Variants in KIF6 observed in about 807,000 individuals in gnomAD.
KIF6 encodes the protein kinesin-like protein KIF6.
Under a neutral mutation model 112.7 loss-of-function variants are expected in KIF6, and 106 were observed. The ratio of observed to expected loss-of-function variants is 0.94; its 90% confidence interval spans 0.80 to 1.11. The LOEUF is 1.11. Ranked by LOEUF, KIF6 falls within the 50% of genes least tolerant of loss-of-function variation. The pLI is 0.00. For synonymous variants in KIF6, 339 were observed against 339.9 expected, an observed-to-expected ratio of 1.00 and a Z score of 0.03; for missense variants, 929 against 964.0, an observed-to-expected ratio of 0.96 and a Z score of 0.48.
At chr6:39,718,161 C>T (rs530678346) in intron 2 of KIF6, among the ~76,000 whole-genome samples, 19 of 134,026 alleles carry the variant, frequency 1.4e-4, no homozygotes, top group African/African-American at 4.8e-4. Flanking sequence ...ACCCAGGAAG[C>T]GGAGGTTGCA....
chr6:39,553,408 T>C (rs1298682858), intron 10 of KIF6, among the ~76,000 whole-genome samples: 1 of 152,236 alleles, frequency 6.6e-6, no homozygotes, highest in African/African-American at 2.4e-5. Flanking sequence ...TTGATACTTT[T>C]AGTGATTTGA....
intron 5 of KIF6, among the ~76,000 whole-genome samples, chr6:39,618,817 C>A (rs1783663807): frequency 3.3e-5 from 5 of 152,196 alleles, no homozygotes; most frequent in Admixed American, 3.3e-4. Context: ...CAATTGCCAA[C>A]CAAAGAATCC....
intron 3 of KIF6, among the ~76,000 whole-genome samples, chr6:39,654,809 C>A (rs1301331326): frequency 6.6e-6 from 1 of 152,158 alleles, no homozygotes; most frequent in East Asian, 1.9e-4. Context: ...TTTGTTCACT[C>A]AACAATGTCT....
chr6:39,404,276 T>C (rs574726924), intron 15 of KIF6, among the ~76,000 whole-genome samples: 19 of 152,322 alleles, frequency 1.2e-4, no homozygotes, highest in African/African-American at 4.3e-4. Context: ...CTCATACTCA[T>C]TCTTCTAAAA....
intron 13 of KIF6, among the ~76,000 whole-genome samples, chr6:39,461,989 A>G (rs1374654199): frequency 6.6e-6 from 1 of 152,244 alleles, no homozygotes; most frequent in Non-Finnish European, 1.5e-5. Context: ...TTAAAATGAA[A>G]TAAAATTAGA....
At chr6:39,561,881 A>T (rs929034698) in intron 10 of KIF6, among the ~76,000 whole-genome samples, 1 of 152,162 alleles carries the variant, frequency 6.6e-6, no homozygotes, top group Non-Finnish European at 1.5e-5. Flanking sequence ...CAGCCATCTG[A>T]GCTTCTAGTT....
chr6:39,699,363 G>A (rs1788738337), intron 3 of KIF6, among the ~76,000 whole-genome samples: 1 of 152,164 alleles, frequency 6.6e-6, no homozygotes, highest in Admixed American at 6.5e-5. Context: ...GTGACAGTGT[G>A]AGCTATCTGG....
intron 13 of KIF6, among the ~76,000 whole-genome samples, chr6:39,437,174 C>T (rs4464790): frequency 0.056 from 8,550 of 151,926 alleles, 442 homozygotes; most frequent in East Asian, 0.24. Context: ...CAGCTTGGTC[C>T]TTGTTGATGT....
intron 6 of KIF6, among the ~76,000 whole-genome samples, chr6:39,598,605 GTA>G (rs1782415525): frequency 6.6e-6 from 1 of 151,390 alleles, no homozygotes; most frequent in South Asian, 2.1e-4. Flanking sequence ...GTGTGTGTGT[GTA>G]TCTATATATC....
chr6:39,499,208 G>A (rs892487902), intron 13 of KIF6, among the ~76,000 whole-genome samples: 2 of 152,186 alleles, frequency 1.3e-5, no homozygotes, highest in Admixed American at 1.3e-4. Context: ...GGTTAAAACT[G>A]CATGTATAAG....
chr6:39,357,446 T>TTA, intron 18 of KIF6, 72 bp from the exon 19 acceptor site: 7 of 868,652 alleles, frequency 8.1e-6, no homozygotes, highest in Non-Finnish European at 8.9e-6. Context: ...TTTGATGTAA[T>TTA]TCTTTTTTTT....
At chr6:39,691,160 T>A (rs2113803050) in intron 3 of KIF6, 1 of 152,262 alleles carries the variant, frequency 6.6e-6, no homozygotes, top group African/African-American at 2.4e-5. Flanking sequence ...GGAGATAAAC[T>A]TCTGAAAAAA....
chr6:39,371,732 T>C (rs1404405085), intron 16 of KIF6, among the ~76,000 whole-genome samples: 1 of 152,162 alleles, frequency 6.6e-6, no homozygotes, highest in Non-Finnish European at 1.5e-5. Context: ...AGTGCTGACA[T>C]CTGCTTCTTG....
At chr6:39,422,927 A>G (rs1770478582) in intron 14 of KIF6, among the ~76,000 whole-genome samples, 1 of 152,208 alleles carries the variant, frequency 6.6e-6, no homozygotes, top group Admixed American at 6.5e-5. Flanking sequence ...GCACCCCTGT[A>G]CGATATCCTA....
At chr6:39,656,052 C>G (rs1249562449) in intron 3 of KIF6, among the ~76,000 whole-genome samples, 1 of 152,148 alleles carries the variant, frequency 6.6e-6, no homozygotes, top group Non-Finnish European at 1.5e-5. Flanking sequence ...GTATCTGGCC[C>G]AAGGATTTAC....
intron 13 of KIF6, among the ~76,000 whole-genome samples, chr6:39,511,057 A>C (rs1776755847): frequency 6.6e-6 from 1 of 152,166 alleles, no homozygotes; most frequent in Admixed American, 6.5e-5. Context: ...ACCCAGATTC[A>C]TAAAGCAAGT....
chr6:39,651,896 C>A (rs1785490428), intron 3 of KIF6, among the ~76,000 whole-genome samples: 1 of 152,060 alleles, frequency 6.6e-6, no homozygotes, highest in Admixed American at 6.5e-5. Flanking sequence ...TGATTGAGAT[C>A]ACTCATAAAG....
intron 7 of KIF6, among the ~76,000 whole-genome samples, chr6:39,593,174 A>G (rs574806787): frequency 6.6e-6 from 1 of 152,312 alleles, no homozygotes; most frequent in South Asian, 2.1e-4. Context: ...AGCACCCAGT[A>G]AACATTCAAT....
intron 10 of KIF6, among the ~76,000 whole-genome samples, chr6:39,559,771 T>C: frequency 6.6e-6 from 1 of 152,034 alleles, no homozygotes; most frequent in East Asian, 1.9e-4. Context: ...TCTATCCACC[T>C]TAACTTCCCT....
Sources: allele counts gnomAD v4.1 joint callset (sites outside exome capture counted in the v4.1 genomes callset), GRCh38; gene constraint gnomAD v4.1.1; transcripts MANE v1.5; gene names NCBI Gene and HGNC (gene_info 2026-07-23, HGNC 2026-07-21).